TTLL5: variants seen among roughly 807,000 people sequenced by gnomAD.
TTLL5 encodes the protein tubulin tyrosine ligase like 5, also known as tubulin polyglutamylase TTLL5.
Under a neutral mutation model 168.4 loss-of-function variants are expected in TTLL5, and 132 were observed. The ratio of observed to expected loss-of-function variants is 0.78; its 90% CI spans 0.68 to 0.91. TTLL5 has a LOEUF of 0.91. Among genes scored for constraint, TTLL5 ranks in the 40% least tolerant of loss-of-function variants. The pLI, the probability that TTLL5 is intolerant of heterozygous loss-of-function variation, is 0.00. For missense variants in TTLL5, 1,545 were observed against 1,581.5 expected, an observed-to-expected ratio of 0.98 and a Z score of 0.39; for synonymous variants, 546 against 558.6, an observed-to-expected ratio of 0.98 and a Z score of 0.32.
intron 18 of TTLL5, among the ~76,000 whole-genome samples, chr14:75,757,266 A>G (rs1242605013): frequency 2.6e-5 from 4 of 152,154 alleles, no homozygotes; most frequent in African/African-American, 9.7e-5. Flanking sequence ...CTGTGAGCCA[A>G]TGCGCCCGTC....
intron 26 of TTLL5, among the ~76,000 whole-genome samples, chr14:75,789,105 G>A (rs1245038163): frequency 6.6e-6 from 1 of 152,064 alleles, no homozygotes; most frequent in Non-Finnish European, 1.5e-5. Flanking sequence ...CTTAAAAAAA[G>A]GGTATTTGCC....
At chr14:75,670,380 A>G (rs986242661) in intron 3 of TTLL5, among the ~76,000 whole-genome samples, 1 of 152,124 alleles carries the variant, frequency 6.6e-6, no homozygotes, top group African/African-American at 2.4e-5. Context: ...TTGTGCTGCT[A>G]TGAATGTTCA....
At chr14:75,909,045 T>A (rs2140106241) in intron 31 of TTLL5, among the ~76,000 whole-genome samples, 1 of 152,146 alleles carries the variant, frequency 6.6e-6, no homozygotes, top group Non-Finnish European at 1.5e-5. Flanking sequence ...CCCAAAGTGC[T>A]GGTATTACAG....
intron 3 of TTLL5, among the ~76,000 whole-genome samples, chr14:75,671,018 A>C (rs1177560363): frequency 6.6e-6 from 1 of 152,106 alleles, no homozygotes; most frequent in Non-Finnish European, 1.5e-5. Flanking sequence ...TAAGAGTTTT[A>C]TGGTTTAAGC....
chr14:75,931,450 G>A (rs1471982394), intron 31 of TTLL5, among the ~76,000 whole-genome samples: 1 of 152,148 alleles, frequency 6.6e-6, no homozygotes, highest in African/African-American at 2.4e-5. Context: ...AACTTAACAA[G>A]TCCAATTTCA....
At chr14:75,770,632 A>G (rs560069608) in intron 20 of TTLL5, among the ~76,000 whole-genome samples, 2 of 152,348 alleles carry the variant, frequency 1.3e-5, no homozygotes, top group South Asian at 4.1e-4. Flanking sequence ...GGTGAAAATC[A>G]TCAGTGTCTC....
At chr14:75,776,214 G>A (rs1891717214) in intron 22 of TTLL5, among the ~76,000 whole-genome samples, 1 of 152,156 alleles carries the variant, frequency 6.6e-6, no homozygotes, top group South Asian at 2.1e-4. Context: ...AAATTTAAAT[G>A]GCTTTTCTAA....
intron 9 of TTLL5, among the ~76,000 whole-genome samples, chr14:75,708,010 T>C (rs181901279): frequency 1.7e-4 from 26 of 152,324 alleles, no homozygotes; most frequent in African/African-American, 6.3e-4. Flanking sequence ...GCAGTGACAA[T>C]TGTTATGAAG....
At chr14:75,888,804 A>G (rs2359984) in intron 30 of TTLL5, among the ~76,000 whole-genome samples, 134,205 of 152,026 alleles carry the variant, frequency 0.88, 59,346 homozygotes, top group South Asian at 0.92. Context: ...GCATGGTGGC[A>G]GGTGCCTGTA....
At chr14:75,793,167 T>C (rs1283089361) in intron 27 of TTLL5, 67 bp downstream of exon 27, 2 of 1,378,940 alleles carry the variant, frequency 1.5e-6, no homozygotes, top group Non-Finnish European at 1.9e-6. Flanking sequence ...CAGGGTACTT[T>C]GTCTTTCCCT....
intron 28 of TTLL5, among the ~76,000 whole-genome samples, chr14:75,854,037 C>T (rs758266398): frequency 6.0e-5 from 9 of 150,728 alleles, no homozygotes; most frequent in Non-Finnish European, 8.9e-5. Flanking sequence ...AGCAAGACTC[C>T]GTCTCAAAAA....
At chr14:75,879,207 A>C (rs1350126733) in intron 29 of TTLL5, among the ~76,000 whole-genome samples, 2 of 152,250 alleles carry the variant, frequency 1.3e-5, no homozygotes, top group East Asian at 3.8e-4. Context: ...TCATACAAAT[A>C]CATTTTTCTA....
chr14:75,741,024 T>G (rs539590906), intron 15 of TTLL5, among the ~76,000 whole-genome samples: 13 of 152,346 alleles, frequency 8.5e-5, no homozygotes, highest in African/African-American at 3.1e-4. Context: ...ACTTGCCAGC[T>G]TTTTAAAGGC....
intron 2 of TTLL5, among the ~76,000 whole-genome samples, chr14:75,664,418 C>T (rs1186034054): frequency 6.6e-6 from 1 of 152,118 alleles, no homozygotes; most frequent in African/African-American, 2.4e-5. Context: ...GCTATGTAAC[C>T]TGAAAAATAG....
intron 28 of TTLL5, among the ~76,000 whole-genome samples, chr14:75,851,480 T>C (rs1286991947): frequency 1.3e-5 from 2 of 152,198 alleles, no homozygotes; most frequent in African/African-American, 4.8e-5. Flanking sequence ...TTTGGTAATC[T>C]TTCTCATTCG....
At chr14:75,752,549 A>G (rs1312654330) in intron 17 of TTLL5, among the ~76,000 whole-genome samples, 1 of 151,974 alleles carries the variant, frequency 6.6e-6, no homozygotes, top group Non-Finnish European at 1.5e-5. Context: ...GTTTCATTTG[A>G]CCTATATATA....
chr14:75,861,760 CAAG>C (rs2030025273), intron 28 of TTLL5, among the ~76,000 whole-genome samples: 1 of 151,974 alleles, frequency 6.6e-6, no homozygotes, highest in Non-Finnish European at 1.5e-5. Flanking sequence ...AAGATGGTCC[CAAG>C]AAGAATAACC....
At chr14:75,798,610 C>T (rs1020449525) in intron 27 of TTLL5, among the ~76,000 whole-genome samples, 1 of 152,004 alleles carries the variant, frequency 6.6e-6, no homozygotes, top group East Asian at 1.9e-4. Context: ...AAGCTATGAA[C>T]TTTCGTCTTA....
intron 6 of TTLL5, among the ~76,000 whole-genome samples, chr14:75,690,711 A>C (rs949481178): frequency 2.0e-5 from 3 of 151,584 alleles, no homozygotes; most frequent in Non-Finnish European, 4.4e-5. Flanking sequence ...CCTCTGCTTC[A>C]TGGGCTCAAG....
Sources: allele counts gnomAD v4.1 joint callset (sites outside exome capture counted in the v4.1 genomes callset), GRCh38; gene constraint gnomAD v4.1.1; transcripts MANE v1.5; gene names NCBI Gene and HGNC (gene_info 2026-07-23, HGNC 2026-07-21).